BCAR3: variants seen among roughly 807,000 people sequenced by gnomAD.
The protein encoded by BCAR3 is BCAR3 adaptor protein, NSP family member.
BCAR3 carries 37 observed loss-of-function variants against 80.1 expected under a neutral mutation model. The observed-to-expected ratio is 0.46, with a 90% CI of 0.36 to 0.61. The LOEUF (loss-of-function observed/expected upper bound fraction) is 0.61. BCAR3 is among the 20% of genes least tolerant of loss of function. The pLI is 0.00. For missense variants in BCAR3, 978 were observed against 1,068.2 expected (o/e 0.92, Z 1.18); for synonymous variants, 389 against 418.9 (o/e 0.93, Z 0.87).
intron 2 of BCAR3, among the ~76,000 whole-genome samples, chr1:93,665,309 C>T (rs1310086369): frequency 6.6e-6 from 1 of 152,028 alleles, no homozygotes; most frequent in Non-Finnish European, 1.5e-5. Context: ...GCCCTGAAAA[C>T]ATGTCTGCCT....
chr1:93,621,578 G>A (rs748764817), intron 3 of BCAR3, among the ~76,000 whole-genome samples: 39 of 152,298 alleles, frequency 2.6e-4, no homozygotes, highest in Non-Finnish European at 4.7e-4. Context: ...GCAGGGATGT[G>A]GCTGGTAAGA....
chr1:93,839,851 T>A (rs1374634810), intron 2 of BCAR3, among the ~76,000 whole-genome samples: 2 of 152,158 alleles, frequency 1.3e-5, no homozygotes, highest in Admixed American at 1.3e-4. Context: ...CCTAAACCAG[T>A]GCATTTTAAA....
chr1:93,613,580 T>C (rs1295374174), intron 3 of BCAR3, among the ~76,000 whole-genome samples: 2 of 152,182 alleles, frequency 1.3e-5, no homozygotes, highest in Non-Finnish European at 2.9e-5. Flanking sequence ...TACTTTAGTA[T>C]AAAATTTCAG....
At chr1:93,812,834 C>A (rs758184629) in intron 2 of BCAR3, among the ~76,000 whole-genome samples, 3 of 152,226 alleles carry the variant, frequency 2.0e-5, no homozygotes, top group Non-Finnish European at 4.4e-5. Context: ...TCTCTACCCC[C>A]CTATCCCAGG....
At chr1:93,647,797 AGTCTTGCTCTT>A (rs760698750) in intron 2 of BCAR3, among the ~76,000 whole-genome samples, 40 of 150,556 alleles carry the variant, frequency 2.7e-4, no homozygotes, top group Non-Finnish European at 4.9e-4. Flanking sequence ...TTTTTTTTCG[AGTCTTGCTCTT>A]GTCGCCCAGG....
intron 6 of BCAR3, 104 bp downstream of exon 6, chr1:93,583,914 G>T: frequency 9.0e-7 from 1 of 1,112,656 alleles, no homozygotes; most frequent in Non-Finnish European, 1.3e-6. Context: ...CAGGCCTGAG[G>T]CCTTGTGTCG....
intron 3 of BCAR3, among the ~76,000 whole-genome samples, chr1:93,619,491 T>C (rs1675246800): frequency 6.6e-6 from 1 of 152,238 alleles, no homozygotes; most frequent in Non-Finnish European, 1.5e-5. Flanking sequence ...TGCAAGCAAT[T>C]ACACCTGGAG....
intron 2 of BCAR3, among the ~76,000 whole-genome samples, chr1:93,760,051 A>G (rs915822741): frequency 1.3e-5 from 2 of 152,298 alleles, no homozygotes; most frequent in Admixed American, 1.3e-4. Context: ...TACGTAAACT[A>G]GGTGTGAAAG....
intron 7 of BCAR3, among the ~76,000 whole-genome samples, chr1:93,579,943 AAC>A (rs1673631537): frequency 6.6e-6 from 1 of 152,228 alleles, no homozygotes; most frequent in African/African-American, 2.4e-5. Context: ...AGGTCCGGAT[AAC>A]TTCGCAAATT....
At chr1:93,707,457 C>T (rs972413187) in intron 2 of BCAR3, among the ~76,000 whole-genome samples, 5 of 152,100 alleles carry the variant, frequency 3.3e-5, no homozygotes, top group African/African-American at 7.2e-5. Flanking sequence ...TGCCTGTAAT[C>T]CCAGCACTTT....
intron 2 of BCAR3, among the ~76,000 whole-genome samples, chr1:93,773,015 C>A (rs1652414127): frequency 1.3e-5 from 2 of 152,282 alleles, no homozygotes; most frequent in Non-Finnish European, 1.5e-5. Flanking sequence ...GACTCCTAAA[C>A]CAGGCACCCT....
chr1:93,836,658 T>C (rs912745169), intron 2 of BCAR3, among the ~76,000 whole-genome samples: 7 of 152,134 alleles, frequency 4.6e-5, no homozygotes, highest in Non-Finnish European at 7.3e-5. Context: ...TTTATTTTTC[T>C]TATTAACATA....
intron 2 of BCAR3, among the ~76,000 whole-genome samples, chr1:93,802,222 A>G: frequency 6.6e-6 from 1 of 151,998 alleles, no homozygotes; most frequent in Non-Finnish European, 1.5e-5. Context: ...AGGTGGGAAG[A>G]TCATTTGAAC....
At chr1:93,820,448 A>G (rs1654171935) in intron 2 of BCAR3, among the ~76,000 whole-genome samples, 1 of 152,204 alleles carries the variant, frequency 6.6e-6, no homozygotes, top group Non-Finnish European at 1.5e-5. Context: ...GGGGTTCCCC[A>G]AATTCCCTCC....
At chr1:93,690,234 C>T (rs12059154) in intron 3 of BCAR3, among the ~76,000 whole-genome samples, 44,074 of 152,076 alleles carry the variant, frequency 0.29, 9,455 homozygotes, top group African/African-American at 0.61. Context: ...CCCATCAAAC[C>T]GAGAAGTGAA....
At chr1:93,613,657 G>T (rs1269127790) in intron 3 of BCAR3, among the ~76,000 whole-genome samples, 2 of 152,230 alleles carry the variant, frequency 1.3e-5, no homozygotes, top group African/African-American at 4.8e-5. Context: ...GCCCTGTTCT[G>T]TGCCACTGGG....
chr1:93,751,527 C>T lies in BCAR3; in HGVS notation c.-62-45385G>A, dbSNP rs1295714614. On this transcript the variant is annotated intron_variant, in intron 2 of 13. Coordinates refer to the BCAR3 transcript ENST00000370244. Reference sequence around the variant, plus strand: ...CTATGGCAGCAATCCTGCCATGCCTCGGGCTCAAACAGCCATGTAACTTCA... The same window carrying T: ...CTATGGCAGCAATCCTGCCATGCCTTGGGCTCAAACAGCCATGTAACTTCA... Among the ~76,000 whole-genome samples the T allele has an allele frequency of 5.3e-5, 8 of 152,184 alleles. No homozygotes were observed. In the East Asian group the frequency reaches 5.8e-4, roughly 11 times the overall value.
At chr1:93,766,601 G>C (rs781682123) in intron 2 of BCAR3, among the ~76,000 whole-genome samples, 4 of 152,248 alleles carry the variant, frequency 2.6e-5, no homozygotes, top group African/African-American at 4.8e-5. Context: ...TCCAGCCTGA[G>C]CCTGAGCACG....
rs1672693364 is a variant in BCAR3, at chr1:93,562,016, G to A, written c.*225C>T. The A allele has an allele frequency of 5.1e-6, 2 of 395,694 alleles. No individual in the cohort carries two copies. Among genetic ancestry groups the A allele is most frequent in the East Asian group, 4.2e-5 (1 of 23,860 alleles). 24.5% of individuals were successfully genotyped at this position (395,694 alleles called of 1,614,324 possible). A position where few individuals can be genotyped will look rare whatever the true frequency, so the allele number is the denominator to read the frequency against. On this transcript the variant is annotated 3_prime_UTR_variant, in exon 12 of 12. Transcript: ENST00000260502. ...TTAAATTTGCTGATCAACATTAGCAGTAGTTACCTTAATAATAAATTATTC... is the reference window on the plus strand; with the variant it reads ...TTAAATTTGCTGATCAACATTAGCAATAGTTACCTTAATAATAAATTATTC...
Sources: gnomAD v4.1 joint callset for allele counts (sites outside exome capture counted in the v4.1 genomes callset) on GRCh38, gnomAD v4.1.1 for gene constraint, MANE v1.5 for transcripts, NCBI Gene and HGNC (gene_info 2026-07-23, HGNC 2026-07-21) for gene names.